The following SH3GL2 variants were observed in gnomAD, a reference collection of about 807,000 sequenced individuals.
SH3GL2 encodes SH3 domain containing GRB2 like 2, endophilin A1.
Under a neutral mutation model 46.0 loss-of-function variants are expected in SH3GL2, and 24 were observed. That is an observed-to-expected ratio of 0.52 (90% CI 0.38 to 0.73). The LOEUF (loss-of-function observed/expected upper bound fraction) is 0.73, where lower values mean the gene tolerates loss of function less well. Among genes scored for constraint, SH3GL2 ranks in the 30% least tolerant of loss-of-function variants. SH3GL2 has a pLI of 0.00. For synonymous variants in SH3GL2, 196 were observed against 147.1 expected, an observed-to-expected ratio of 1.33 and a Z score of -2.40; for missense variants, 413 against 424.2, an observed-to-expected ratio of 0.97 and a Z score of 0.23.
At chr9:17,653,651 C>A (rs1820005084) in intron 1 of SH3GL2, among the ~76,000 whole-genome samples, 1 of 152,098 alleles carries the variant, frequency 6.6e-6, no homozygotes, top group Non-Finnish European at 1.5e-5. Context: ...AGAGGTAGGG[C>A]CTTTAAAAGG....
At chr9:17,743,991 A>G (rs56036751) in intron 1 of SH3GL2, among the ~76,000 whole-genome samples, 7,696 of 152,286 alleles carry the variant, frequency 0.051, 611 homozygotes, top group African/African-American at 0.17. Context: ...GGGTCTATCT[A>G]TAATGATTCT....
intron 1 of SH3GL2, among the ~76,000 whole-genome samples, chr9:17,675,237 A>T (rs1192414420): frequency 6.6e-6 from 1 of 152,144 alleles, no homozygotes; most frequent in East Asian, 1.9e-4. Flanking sequence ...AAACATTTGT[A>T]TCTCTCATAG....
intron 1 of SH3GL2, among the ~76,000 whole-genome samples, chr9:17,706,693 T>A (rs1364381951): frequency 6.6e-6 from 1 of 152,048 alleles, no homozygotes; most frequent in African/African-American, 2.4e-5. Flanking sequence ...TTGTATCTTA[T>A]TTTTTTCCTC....
At chr9:17,787,101 A>T (rs186095408) in intron 4 of SH3GL2, among the ~76,000 whole-genome samples, 2 of 152,290 alleles carry the variant, frequency 1.3e-5, no homozygotes, top group African/African-American at 4.8e-5. Flanking sequence ...AGCTAGTCCC[A>T]CATTAGGGAA....
rs1399144452 is a variant in SH3GL2, at chr9:17,686,103, A to G, written c.46-60963A>G. Reference sequence around the variant, plus strand: ...ACTCAAACAAATTTACAAGAAAAAAACAACCCCATCAAAAAGTGGGCGAAG... The same window carrying G: ...ACTCAAACAAATTTACAAGAAAAAAGCAACCCCATCAAAAAGTGGGCGAAG... On this transcript the variant is annotated intron_variant, in intron 1 of 8. Coordinates refer to ENST00000380607, the MANE Select transcript of SH3GL2 (RefSeq NM_003026.5). Among the ~76,000 whole-genome samples the G allele has an allele frequency of 2.5e-3, 345 of 140,166 alleles. 8 individuals are homozygous for G. Among genetic ancestry groups the G allele is most frequent in the African/African-American group, 9.8e-3 (331 of 33,878 alleles). 92.0% of individuals were successfully genotyped at this position (140,166 alleles called of 152,430 possible).
intron 2 of SH3GL2, among the ~76,000 whole-genome samples, chr9:17,758,183 A>G (rs1211724289): frequency 6.6e-6 from 1 of 152,124 alleles, no homozygotes; most frequent in East Asian, 1.9e-4. Flanking sequence ...AGGTGTGGAC[A>G]TTTAATAAAT....
rs144537639 is a variant in SH3GL2, at chr9:17,772,909, G to A, written c.187+11400G>A. ...GGGAATTCTATTTTTTATTTCTGAG[G>A]TACCACTGTGCTCTCTTCCACAGCA... On this transcript the variant is annotated intron_variant, in intron 3 of 8. Coordinates refer to ENST00000380607, the MANE Select transcript of SH3GL2 (RefSeq NM_003026.5). Among the ~76,000 whole-genome samples the A allele has an allele frequency of 3.0e-3, 461 of 152,172 alleles. 1 individual carries two copies. The highest frequency in any genetic ancestry group is 4.0e-3 in the Non-Finnish European group (271 of 67,986).
At chr9:17,599,589 A>T (rs1258447239) in intron 1 of SH3GL2, among the ~76,000 whole-genome samples, 2 of 152,330 alleles carry the variant, frequency 1.3e-5, no homozygotes, top group East Asian at 3.9e-4. Flanking sequence ...AATGGTAGTG[A>T]AATATTGGTC....
At chr9:17,769,304 A>G (rs954572737) in intron 3 of SH3GL2, among the ~76,000 whole-genome samples, 1 of 152,200 alleles carries the variant, frequency 6.6e-6, no homozygotes, top group Non-Finnish European at 1.5e-5. Context: ...AAAGAGCCCA[A>G]TTCTATTCTT....
chr9:17,679,036 CTTGTAG>C (rs1286790902), intron 1 of SH3GL2, among the ~76,000 whole-genome samples: 1 of 151,990 alleles, frequency 6.6e-6, no homozygotes, highest in Non-Finnish European at 1.5e-5. Context: ...TTACTGTAGC[CTTGTAG>C]TATAGTTTGA....
chr9:17,790,194 C>G (rs1250459474), intron 6 of SH3GL2, among the ~76,000 whole-genome samples: 1 of 152,112 alleles, frequency 6.6e-6, no homozygotes, highest in Non-Finnish European at 1.5e-5. Flanking sequence ...GCTTTTTATT[C>G]TATCTGGGTC....
chr9:17,608,915 A>G (rs1201143553), intron 1 of SH3GL2, among the ~76,000 whole-genome samples: 1 of 152,248 alleles, frequency 6.6e-6, no homozygotes, highest in Non-Finnish European at 1.5e-5. Context: ...ACAATAATTA[A>G]AAAATGTTTG....
rs557665704 is a variant in SH3GL2, at chr9:17,671,107, T to C, written c.46-75959T>C. Among the ~76,000 whole-genome samples the C allele has an allele frequency of 5.3e-5, 8 of 152,360 alleles. No individual in the cohort carries two copies. In the South Asian group the frequency reaches 1.7e-3, roughly 32 times the overall value. On this transcript the variant is annotated intron_variant, in intron 1 of 8. Transcript: ENST00000380607. ...TGATTGTGTAGGACAGATGTCATTATATCTGTACTGCTAAAGAAACAAGAT... is the reference window on the plus strand; with the variant it reads ...TGATTGTGTAGGACAGATGTCATTACATCTGTACTGCTAAAGAAACAAGAT...
In SH3GL2 at chr9:17,616,877, G is replaced by A. The variant is rs141045234; in HGVS notation, c.45+37590G>A. The stretch of plus-strand genomic sequence containing the variant: ...TTTCTGAATAGATAATACAGTCAGC[G>A]TAGTATAAAAGGTTAGACAGTGATG... On this transcript the variant is annotated intron_variant, in intron 1 of 8. Coordinates refer to ENST00000380607, the MANE Select transcript of SH3GL2 (RefSeq NM_003026.5). 7.9e-5 allele frequency among the ~76,000 whole-genome samples: 12 copies of A among 152,272 alleles called. No individual in the cohort carries two copies. The East Asian group carries it at 1.4e-3, about 17-fold the overall frequency.
At chr9:17,584,507 A>C (rs1487232351) in intron 1 of SH3GL2, among the ~76,000 whole-genome samples, 1 of 152,150 alleles carries the variant, frequency 6.6e-6, no homozygotes, top group African/African-American at 2.4e-5. Flanking sequence ...TGTTTCAAAT[A>C]AATAAATAAA....
At chr9:17,591,925 A>G (rs184595779) in intron 1 of SH3GL2, among the ~76,000 whole-genome samples, 2 of 152,346 alleles carry the variant, frequency 1.3e-5, no homozygotes, top group East Asian at 1.9e-4. Context: ...CATTTTGTCA[A>G]TCTGTATTCA....
Position 17,793,378 on chromosome 9 carries a change from C to G in SH3GL2, c.740C>G (p.Ala247Gly). The change falls in exon 8 of 9, where the codon GCT (alanine) becomes GGT (glycine). Residue 247 changes from alanine (A) to glycine (G), a missense_variant. Around this residue, in one of 3 missense-constraint regions of SH3GL2, gnomAD observed 248 missense variants for 215.0 expected, o/e 1.15. Transcript: ENST00000380607. Reference protein sequence around the residue: ...TVRLEERIRQASSQPRREYQP... With the variant: ...TVRLEERIRQGSSQPRREYQP... ...TCTTTTTACTGCAGAATAAGACAGG[C>G]TTCATCTCAGCCTAGAAGGGAATAT... 6.2e-7 allele frequency: 1 copy of G among 1,611,896 alleles called. No individual in the cohort carries two copies. The highest frequency in any genetic ancestry group is 8.5e-7 in the Non-Finnish European group (1 of 1,179,008).
chr9:17,681,279 G>A (rs76151842), intron 1 of SH3GL2, among the ~76,000 whole-genome samples: 15,350 of 152,144 alleles, frequency 0.1, 989 homozygotes, highest in Admixed American at 0.18. Flanking sequence ...ATCAGTATGT[G>A]GTGGAAGACT....
intron 3 of SH3GL2, among the ~76,000 whole-genome samples, chr9:17,763,437 TGAGAA>T (rs2131154537): frequency 6.6e-6 from 1 of 152,176 alleles, no homozygotes; most frequent in East Asian, 1.9e-4. Flanking sequence ...GGTGTCCTTA[TGAGAA>T]GAGGAGAGGA....
Sources: allele counts gnomAD v4.1 joint callset (sites outside exome capture counted in the v4.1 genomes callset), GRCh38; gene constraint gnomAD v4.1.1; regional missense constraint gnomAD v4.1.1; transcripts MANE v1.5; gene names NCBI Gene and HGNC (gene_info 2026-07-23, HGNC 2026-07-21).